The following ITGB5 variants were observed in gnomAD, a reference collection of about 807,000 sequenced individuals.
ITGB5 encodes integrin beta-5.
In ITGB5, 38 loss-of-function variants were observed where a neutral mutation model predicts 84.8. The ratio of observed to expected loss-of-function variants is 0.45; its 90% CI spans 0.35 to 0.59. ITGB5 has a LOEUF of 0.59. ITGB5 is among the 20% of genes least tolerant of loss of function. ITGB5 has a pLI of 0.01. For missense variants in ITGB5, 905 were observed against 1,034.5 expected (o/e 0.87, Z 1.72); for synonymous variants, 393 against 414.4 (o/e 0.95, Z 0.63).
chr3:124,765,776 G>C (rs1177270389), intron 13 of ITGB5, among the ~76,000 whole-genome samples: 1 of 152,178 alleles, frequency 6.6e-6, no homozygotes, highest in Non-Finnish European at 1.5e-5. Flanking sequence ...AATTGTACTG[G>C]TTAGGTGCAG....
intron 3 of ITGB5, among the ~76,000 whole-genome samples, chr3:124,853,223 C>A (rs777571795): frequency 6.6e-6 from 1 of 152,184 alleles, no homozygotes; most frequent in Non-Finnish European, 1.5e-5. Flanking sequence ...AAAATCAACT[C>A]TATTATAACA....
At chr3:124,891,580 T>G, upstream of ITGB5, among the ~76,000 whole-genome samples, 2 of 118,604 alleles carry the variant, frequency 1.7e-5, no homozygotes, top group Non-Finnish European at 3.3e-5. Context: ...TGCGACAGAG[T>G]GCATAACTGC....
chr3:124,899,218 C>G (rs1935172293), intron 1 of ITGB5, among the ~76,000 whole-genome samples: 1 of 152,192 alleles, frequency 6.6e-6, no homozygotes. Flanking sequence ...CCAGGACACG[C>G]TTTGCTCTAG....
chr3:124,828,219 C>A lies in ITGB5; in HGVS notation c.781-6745G>T, dbSNP rs116480103. ...ACCCAAGGGAAATGAAAGCATACGT[C>A]CATACAAAGACATGAACATGAACAT... On this transcript the variant is annotated intron_variant, in intron 5 of 14. Coordinates refer to ENST00000296181, the MANE Select transcript of ITGB5 (RefSeq NM_002213.5). Among the ~76,000 whole-genome samples the A allele has an allele frequency of 2.8e-3, 426 of 152,280 alleles. 4 individuals are homozygous for A. Among genetic ancestry groups the A allele is most frequent in the African/African-American group, 9.8e-3 (409 of 41,540 alleles).
chr3:124,812,367 T>C (rs1026399726), intron 8 of ITGB5, among the ~76,000 whole-genome samples: 1 of 152,220 alleles, frequency 6.6e-6, no homozygotes, highest in African/African-American at 2.4e-5. Context: ...AGGTCACATC[T>C]GCAATTGCTT....
intron 1 of ITGB5, among the ~76,000 whole-genome samples, chr3:124,901,101 T>C (rs1318215122): frequency 6.6e-6 from 1 of 152,152 alleles, no homozygotes; most frequent in East Asian, 1.9e-4. Flanking sequence ...TAAAAGTTAA[T>C]GGTTTTAAGG....
chr3:124,764,954 T>C (rs2063746100), intron 13 of ITGB5, among the ~76,000 whole-genome samples: 1 of 152,216 alleles, frequency 6.6e-6, no homozygotes, highest in African/African-American at 2.4e-5. Flanking sequence ...CCACAAGGTC[T>C]GGGCTGGGGG....
chr3:124,848,588 G>C, intron 3 of ITGB5, 30 bp from the exon 4 acceptor site: 2 of 1,594,428 alleles, frequency 1.3e-6, no homozygotes, highest in Non-Finnish European at 1.7e-6. Context: ...ACGTGTGTTA[G>C]AGGTTGTGCA....
chr3:124,893,926 A>ACTT (rs1935048480), intron 1 of ITGB5, among the ~76,000 whole-genome samples: 1 of 152,092 alleles, frequency 6.6e-6, no homozygotes, highest in Admixed American at 6.5e-5. Flanking sequence ...TATTTCTCTG[A>ACTT]CGCTGTTAAG....
At chr3:124,822,928 G>C (rs777073195) in intron 5 of ITGB5, among the ~76,000 whole-genome samples, 1 of 151,974 alleles carries the variant, frequency 6.6e-6, no homozygotes, top group Non-Finnish European at 1.5e-5. Context: ...CAGCGCAGAC[G>C]AAACTTAAAC....
chr3:124,819,806 T>C lies in ITGB5; in HGVS notation c.971A>G (p.Glu324Gly), dbSNP rs1190131524. Residue 324 changes from glutamate (E) to glycine (G), a missense_variant, in exon 7 of 15, where the codon GAG becomes GGG. Transcript: ENST00000296181. ...GTTGATGTTGTTCTCTGCCAATTTC[T>C]CTCCAAGCAAGGCAAGGGATGGATA... ...MDYPSLALLG[E>G]KLAENNINLI... is the part of the protein sequence containing the mutation. The C allele has an allele frequency of 6.2e-7, 1 of 1,614,052 alleles. No homozygotes were observed.
chr3:124,784,986 T>A (rs1177552409), intron 10 of ITGB5, among the ~76,000 whole-genome samples: 1 of 152,202 alleles, frequency 6.6e-6, no homozygotes, highest in Non-Finnish European at 1.5e-5. Flanking sequence ...TGGTTTGGAA[T>A]GTCCCATGTG....
At chr3:124,801,741 C>G (rs764685904) in intron 9 of ITGB5, among the ~76,000 whole-genome samples, 10 of 152,248 alleles carry the variant, frequency 6.6e-5, no homozygotes, top group Non-Finnish European at 1.3e-4. Context: ...CTCCTGCCAC[C>G]AAAGAATGGA....
rs533359550 is a variant in ITGB5 at position 124,853,371 on chromosome 3, G to A, written c.362-4813C>T. Among the ~76,000 whole-genome samples the A allele has an allele frequency of 5.3e-5, 8 of 152,228 alleles. No homozygotes were observed. In the South Asian group the frequency reaches 1.5e-3, roughly 28 times the overall value. The stretch of plus-strand genomic sequence containing the variant: ...TCTAGAACCAAATTATTGCCTCACT[G>A]GTTTAGAACAAGGATGCCAGGCTGT... On this transcript the variant is annotated intron_variant, in intron 3 of 14. Transcript: ENST00000296181.
At chr3:124,844,564 A>G (rs1255251945) in intron 4 of ITGB5, among the ~76,000 whole-genome samples, 1 of 152,152 alleles carries the variant, frequency 6.6e-6, no homozygotes, top group Non-Finnish European at 1.5e-5. Context: ...GGTCTCAAAA[A>G]AAAAAGGTAG....
intron 10 of ITGB5, among the ~76,000 whole-genome samples, chr3:124,778,735 G>A (rs189909189): frequency 2.6e-5 from 4 of 152,342 alleles, no homozygotes; most frequent in Admixed American, 6.5e-5. Context: ...CCATTCAGAA[G>A]AAAGTCGTGC....
intron 5 of ITGB5, among the ~76,000 whole-genome samples, chr3:124,833,926 A>C (rs1012683552): frequency 5.9e-5 from 9 of 152,224 alleles, no homozygotes; most frequent in African/African-American, 1.9e-4. Context: ...GAAGTGATTA[A>C]GGGCTTGCCT....
Position 124,764,476 on chromosome 3 carries a change from G to GCCAGGAGTGCA in ITGB5, c.2208_2218dup (p.Ala740ValfsTer96). On this transcript the variant is annotated frameshift_variant, in exon 14 of 15. Coordinates refer to ENST00000296181, the MANE Select transcript of ITGB5 (RefSeq NM_002213.5). LOFTEE classifies it high-confidence loss of function. ...GATGGTGACAAGCAGCTTCCAGATAGCCAGGAGTGCAAGCCCAACAAGGAG... is the reference window on the plus strand; with the variant it reads ...GATGGTGACAAGCAGCTTCCAGATAGCCAGGAGTGCACCAGGAGTGCAAGCCCAACAAGGAG... The GCCAGGAGTGCA allele has an allele frequency of 6.2e-7, 1 of 1,614,102 alleles. No homozygotes were observed. Among genetic ancestry groups the GCCAGGAGTGCA allele is most frequent in the Non-Finnish European group, 8.5e-7 (1 of 1,180,018 alleles).
chr3:124,842,695 T>C (rs1159976018), intron 4 of ITGB5, among the ~76,000 whole-genome samples: 1 of 152,162 alleles, frequency 6.6e-6, no homozygotes, highest in Non-Finnish European at 1.5e-5. Context: ...CTAACAGGCC[T>C]GAGGGAAAGG....
Sources: gnomAD v4.1 joint callset for allele counts (sites outside exome capture counted in the v4.1 genomes callset) on GRCh38, gnomAD v4.1.1 for gene constraint, MANE v1.5 for transcripts, NCBI Gene and HGNC (gene_info 2026-07-23, HGNC 2026-07-21) for gene names.